The following ZSWIM3 variants were observed in gnomAD, a reference collection of about 807,000 sequenced individuals.
ZSWIM3 encodes the protein zinc finger SWIM domain-containing protein 3.
A neutral mutation model predicts 47.5 loss-of-function variants in ZSWIM3; 27 were observed. The observed-to-expected ratio is 0.57, with a 90% CI of 0.42 to 0.78. ZSWIM3 has a LOEUF of 0.78. Among genes scored for constraint, ZSWIM3 ranks in the 30% least tolerant of loss-of-function variants. The pLI is 0.00. For synonymous variants in ZSWIM3, 333 were observed against 333.9 expected (o/e 1.00, Z 0.03); for missense variants, 689 against 861.3 (o/e 0.80, Z 2.50).
At chr20:45,867,691 A>C (rs8116218) in intron 1 of ZSWIM3, among the ~76,000 whole-genome samples, 92,098 of 152,004 alleles carry the variant, frequency 0.61, 28,318 homozygotes, top group Admixed American at 0.68. Flanking sequence ...TGGGAAGAGT[A>C]TGTGACTTTA....
At chr20:45,870,759 T>C (rs1049518196) in intron 1 of ZSWIM3, among the ~76,000 whole-genome samples, 7 of 152,012 alleles carry the variant, frequency 4.6e-5, no homozygotes, top group East Asian at 3.9e-4. Flanking sequence ...AGTGGCGTGA[T>C]CTTGACTCAC....
intron 1 of ZSWIM3, among the ~76,000 whole-genome samples, chr20:45,874,477 A>G (rs1986045736): frequency 6.6e-6 from 1 of 152,034 alleles, no homozygotes; most frequent in Admixed American, 6.6e-5. Flanking sequence ...ACACCACTAC[A>G]CTCCAGCCTG....
rs1986132417 is a variant in ZSWIM3 at position 45,877,560 on chromosome 20, C to T, written c.1002C>T (p.Ala334=). ...CCTTTAAAAGGCTCATGAAGGAAGC[C>T]CTGCGGGAGGCCGTGTTTGTCACTT... is the stretch of plus-strand genomic sequence containing the variant. ...NPSFKRLMKE[A]LREAVFVTSE... Residue 334 remains alanine (A), a synonymous_variant, in exon 2 of 2, where the codon GCC becomes GCT. Transcript: ENST00000255152. 3 of 1,614,172 alleles carry T rather than the reference C, an allele frequency of 1.9e-6. No homozygotes were observed. The highest frequency in any genetic ancestry group is 2.5e-6 in the Non-Finnish European group (3 of 1,180,042).
intron 1 of ZSWIM3, among the ~76,000 whole-genome samples, chr20:45,874,198 G>A (rs1986038088): frequency 6.6e-6 from 1 of 152,106 alleles, no homozygotes; most frequent in African/African-American, 2.4e-5. Context: ...CCTGGGCAAC[G>A]GTGAGACCTT....
Position 45,878,070 on chromosome 20 carries a change from A to ACT in ZSWIM3, c.1513_1514dup (p.Ala506Ter). ...ACACCTTGCACCAGAGTGGCTCTGA[A>ACT]CTAGCCTACAAGCTGTGCCACAATG... On this transcript the variant is annotated frameshift_variant, in exon 2 of 2. Coordinates refer to ENST00000255152, the MANE Select transcript of ZSWIM3 (RefSeq NM_080752.4). LOFTEE classifies it high-confidence loss of function. 1 of 1,614,172 alleles carries ACT rather than the reference A, an allele frequency of 6.2e-7. No homozygotes were observed. Among genetic ancestry groups the ACT allele is most frequent in the Non-Finnish European group, 8.5e-7 (1 of 1,180,018 alleles).
chr20:45,876,576 T>A (rs1015537654), intron 1 of ZSWIM3, 138 bp from the exon 2 acceptor site: 3 of 1,040,418 alleles, frequency 2.9e-6, no homozygotes, highest in Non-Finnish European at 4.1e-6. Flanking sequence ...TGGGCTCAAG[T>A]GATCCTCCCA....
chr20:45,866,927 A>C (rs1365784269), intron 1 of ZSWIM3, among the ~76,000 whole-genome samples: 1 of 152,056 alleles, frequency 6.6e-6, no homozygotes, highest in Non-Finnish European at 1.5e-5. Flanking sequence ...AGAGAGTCAA[A>C]GATACGTGCT....
At chr20:45,859,816 A>AAAAAAAAAAAAAAAAAAAAAC (rs146830909) in intron 1 of ZSWIM3, among the ~76,000 whole-genome samples, 3 of 129,304 alleles carry the variant, frequency 2.3e-5, no homozygotes, top group Non-Finnish European at 1.6e-5. Flanking sequence ...AAAAAAAAAA[A>AAAAAAAAAAAAAAAAAAAAAC]CCACAGTTGC....
chr20:45,864,543 C>T lies in ZSWIM3; in HGVS notation c.155+6563C>T, dbSNP rs147212476. Reference sequence around the variant, plus strand: ...TGTAGACATAAAGTTCCTTGATAAGCAAAGTAAAGCAAGTGAACTAATTTA... The same window carrying T: ...TGTAGACATAAAGTTCCTTGATAAGTAAAGTAAAGCAAGTGAACTAATTTA... On this transcript the variant is annotated intron_variant, in intron 1 of 1. Transcript: ENST00000255152. 1.8e-3 allele frequency among the ~76,000 whole-genome samples: 268 copies of T among 152,284 alleles called. 1 individual carries two copies. The highest frequency in any genetic ancestry group is 2.7e-3 in the Non-Finnish European group (187 of 68,028).
rs1986134514 is a variant in ZSWIM3, at chr20:45,877,609, T to C, written c.1051T>C (p.Cys351Arg). The change falls in exon 2 of 2, where the codon TGC (cysteine) becomes CGC (arginine). Residue 351 changes from cysteine (C) to arginine (R), a missense_variant. Transcript: ENST00000255152. ...VTSEASLKNL[C>R]QMSQAVLDED... ...TTCTGAAGCCAGCCTGAAAAATCTC[T>C]GCCAGATGTCCCAGGCCGTACTGGA... The C allele has an allele frequency of 6.2e-7, 1 of 1,614,208 alleles. No homozygotes were observed. The highest frequency in any genetic ancestry group is 8.5e-7 in the Non-Finnish European group (1 of 1,180,030).
Position 45,878,359 on chromosome 20 carries a change from C to G in ZSWIM3, c.1801C>G (p.Arg601Gly), listed in dbSNP as rs542143044. ...TGGGCCCAATGGGGAGCTCCAGGAT[C>G]GTGGTATGGTCCCAAACACAGGCCA... ...LLGPNGELQDRGMVPNTGQPE... is the reference protein window; with the variant it reads ...LLGPNGELQDGGMVPNTGQPE... Residue 601 changes from arginine (R) to glycine (G), a missense_variant, in exon 2 of 2, where the codon CGT (arginine) becomes GGT (glycine). Arg to Gly is a moderately radical substitution (Grantham distance 125, BLOSUM62 -2). Coordinates refer to ENST00000255152, the MANE Select transcript of ZSWIM3 (RefSeq NM_080752.4). 9.9e-6 allele frequency: 16 copies of G among 1,614,090 alleles called. No individual in the cohort carries two copies. The highest frequency in any genetic ancestry group is 1.3e-5 in the African/African-American group (1 of 74,930).
In ZSWIM3 at chr20:45,868,801, A is replaced by C. The variant is rs201207738; in HGVS notation, c.156-7913A>C. On this transcript the variant is annotated intron_variant, in intron 1 of 1. Coordinates refer to ENST00000255152, the MANE Select transcript of ZSWIM3 (RefSeq NM_080752.4). Reference sequence around the variant, plus strand: ...TACTTTTGCTAAATATAATAATAATAATCATTATTTTTATTTTTTGAGACA... The same window carrying C: ...TACTTTTGCTAAATATAATAATAATCATCATTATTTTTATTTTTTGAGACA... Among the ~76,000 whole-genome samples, 15 of 134,460 alleles carry C rather than the reference A, an allele frequency of 1.1e-4. No individual in the cohort carries two copies. The East Asian group carries it at 3.0e-3, about 27-fold the overall frequency. 88.2% of individuals were successfully genotyped at this position (134,460 alleles called of 152,430 possible). A position where few individuals can be genotyped will look rare whatever the true frequency, so the allele number is the denominator to read the frequency against.
chr20:45,877,235 TGGA>T lies in ZSWIM3; in HGVS notation c.679_681del (p.Glu227del). The T allele has an allele frequency of 1.2e-6, 2 of 1,613,886 alleles. No individual in the cohort carries two copies. Among genetic ancestry groups the T allele is most frequent in the Non-Finnish European group, 1.7e-6 (2 of 1,179,982 alleles). ...CCAGAGAATCTCTTGCTACACCGGG[TGGA>T]GAACACCCAGGGCCACATCCTCTAT... On this transcript the variant is annotated inframe_deletion, in exon 2 of 2. Coordinates refer to ENST00000255152, the MANE Select transcript of ZSWIM3 (RefSeq NM_080752.4).
chr20:45,861,563 G>C (rs1397093452), intron 1 of ZSWIM3, among the ~76,000 whole-genome samples: 3 of 152,156 alleles, frequency 2.0e-5, no homozygotes, highest in Non-Finnish European at 4.4e-5. Context: ...AAGCAGGTTG[G>C]TGGGTTGGGA....
rs531890542 is a variant in ZSWIM3, at chr20:45,857,649, C to T, written c.-177C>T. 1.8e-5 allele frequency: 14 copies of T among 759,290 alleles called. No individual in the cohort carries two copies. In the Admixed American group the frequency reaches 3.3e-4, roughly 18 times the overall value. 47.0% of individuals were successfully genotyped at this position (759,290 alleles called of 1,614,324 possible). A position where few individuals can be genotyped will look rare whatever the true frequency, so the allele number is the denominator to read the frequency against. ...AAATACACCCCCTTCCTCTTGTAAC[C>T]CGGTCAGGCCTAGGGTTCCTCCCTG... On this transcript the variant is annotated 5_prime_UTR_variant, in exon 1 of 2. Coordinates refer to ENST00000255152, the MANE Select transcript of ZSWIM3 (RefSeq NM_080752.4).
At chr20:45,858,507 A>G (rs1371153657) in intron 1 of ZSWIM3, among the ~76,000 whole-genome samples, 1 of 152,106 alleles carries the variant, frequency 6.6e-6, no homozygotes, top group Non-Finnish European at 1.5e-5. Flanking sequence ...TCAGCCTCTC[A>G]AGTAGTTGGA....
Position 45,878,286 on chromosome 20 carries a change from T to G in ZSWIM3, c.1728T>G (p.Gly576=), listed in dbSNP as rs1986156153. The G allele has an allele frequency of 6.2e-7, 1 of 1,614,206 alleles. No individual in the cohort carries two copies. Among genetic ancestry groups the G allele is most frequent in the East Asian group, 2.2e-5 (1 of 44,886 alleles). The change falls in exon 2 of 2, where the codon GGT becomes GGG. Residue 576 remains glycine, a synonymous_variant. Transcript: ENST00000255152. ...TGCACACCAGCCAGCAGCCGGTTGG[T>G]GAAGCCATGGTGTGCCGCCGGTGGC... ...ALLHTSQQPV[G]EAMVCRRWQK... is the part of the protein sequence containing the mutation.
chr20:45,877,205 G>A lies in ZSWIM3; in HGVS notation c.647G>A (p.Arg216His), dbSNP rs779734410. 89 of 1,613,982 alleles carry A rather than the reference G, an allele frequency of 5.5e-5. No individual in the cohort carries two copies. The highest frequency in any genetic ancestry group is 6.6e-5 in the South Asian group (6 of 91,076). ...AGTAAGATGACCGACCTGTTCATCC[G>A]CTTCCCAGAGAATCTCTTGCTACAC... ...QSSKMTDLFIRFPENLLLHRV... is the reference protein window; with the variant it reads ...QSSKMTDLFIHFPENLLLHRV... Residue 216 changes from arginine to histidine, a missense_variant, in exon 2 of 2, where the codon CGC becomes CAC. Arg to His is a conservative substitution (Grantham distance 29, BLOSUM62 0). Coordinates refer to ENST00000255152, the MANE Select transcript of ZSWIM3 (RefSeq NM_080752.4).
In ZSWIM3 at chr20:45,857,836, G is replaced by A; in HGVS notation, c.11G>A (p.Gly4Asp). The A allele has an allele frequency of 6.2e-7, 1 of 1,614,044 alleles. No individual in the cohort carries two copies. Among genetic ancestry groups the A allele is most frequent in the Non-Finnish European group, 8.5e-7 (1 of 1,179,930 alleles). MEL[G>D]SCFKTYEDFK... ...GTTGTGGGGGCGGCCATGGAGCTGG[G>A]CAGCTGCTTCAAGACCTATGAGGAC... The change falls in exon 1 of 2, where the codon GGC becomes GAC. Residue 4 changes from glycine to aspartate, a missense_variant. Physicochemically the swap from Gly to Asp is moderately conservative, Grantham distance 94 (BLOSUM62 -1). Coordinates refer to ENST00000255152, the MANE Select transcript of ZSWIM3 (RefSeq NM_080752.4).
Sources: gnomAD v4.1 joint callset for allele counts (sites outside exome capture counted in the v4.1 genomes callset) on GRCh38, gnomAD v4.1.1 for gene constraint, MANE v1.5 for transcripts, NCBI Gene and HGNC (gene_info 2026-07-23, HGNC 2026-07-21) for gene names.